SGCE: variants seen among roughly 807,000 people sequenced by gnomAD.
SGCE encodes the protein epsilon-sarcoglycan.
Under a neutral mutation model 57.8 loss-of-function variants are expected in SGCE, and 26 were observed. The observed-to-expected ratio is 0.45, with a 90% confidence interval of 0.33 to 0.62. The LOEUF (loss-of-function observed/expected upper bound fraction) is 0.62, where lower values mean the gene tolerates loss of function less well. Ranked by LOEUF, SGCE falls within the 20% of genes least tolerant of loss-of-function variation. The probability of loss-of-function intolerance (pLI) is 0.02; values close to 1 mark genes in which losing one functional copy is unlikely to be tolerated. For missense variants in SGCE, 468 were observed against 548.6 expected, an observed-to-expected ratio of 0.85 and a Z score of 1.47; for synonymous variants, 183 against 189.5, an observed-to-expected ratio of 0.97 and a Z score of 0.28.
intron 1 of SGCE, among the ~76,000 whole-genome samples, chr7:94,644,321 T>C (rs1252301712): frequency 6.6e-6 from 1 of 152,216 alleles, no homozygotes; most frequent in African/African-American, 2.4e-5. Flanking sequence ...ATTCCATGAT[T>C]CATTTTGAGT....
intron 5 of SGCE, among the ~76,000 whole-genome samples, chr7:94,607,691 C>G (rs1345492404): frequency 6.6e-6 from 1 of 152,134 alleles, no homozygotes; most frequent in Non-Finnish European, 1.5e-5. Context: ...AAATGAGAAA[C>G]TTGAAGTTTT....
chr7:94,619,221 C>T lies in SGCE; in HGVS notation c.464-265G>A, dbSNP rs544075782. Reference sequence around the variant, plus strand: ...GGCAATTTATAGTTATAGAATTTGGCAAAACAACTAAGAAAAGCTAAATCT... The same window carrying T: ...GGCAATTTATAGTTATAGAATTTGGTAAAACAACTAAGAAAAGCTAAATCT... On this transcript the variant is annotated intron_variant, in intron 4 of 10. Coordinates refer to ENST00000648936, the MANE Select transcript of SGCE (RefSeq NM_003919.3). 1,008 of 310,328 alleles carry T rather than the reference C, an allele frequency of 3.2e-3. 5 individuals carry two copies. Among genetic ancestry groups the T allele is most frequent in the Middle Eastern group, 6.6e-3 (7 of 1,060 alleles). The allele number at this position is 310,328 out of a possible 1,614,324, so 19.2% of individuals were successfully genotyped here.
chr7:94,625,991 T>C (rs1225625590), intron 3 of SGCE: 1 of 152,104 alleles, frequency 6.6e-6, no homozygotes, highest in Non-Finnish European at 1.5e-5. Flanking sequence ...AAAGTAGTGA[T>C]GCCAACTCCC....
intron 9 of SGCE, among the ~76,000 whole-genome samples, chr7:94,592,792 T>C (rs1330526828): frequency 2.6e-5 from 4 of 152,134 alleles, no homozygotes; most frequent in Non-Finnish European, 5.9e-5. Context: ...ATATTGCTAC[T>C]TGTTTCAAAC....
intron 6 of SGCE, 31 bp downstream of exon 6, chr7:94,603,259 C>T (rs755902136): frequency 6.3e-7 from 1 of 1,578,718 alleles, no homozygotes; most frequent in Admixed American, 1.7e-5. Flanking sequence ...TTATTTTTAA[C>T]TAAACTTGCA....
chr7:94,615,110 C>T (rs1801672689), intron 5 of SGCE, among the ~76,000 whole-genome samples: 1 of 152,144 alleles, frequency 6.6e-6, no homozygotes, highest in Non-Finnish European at 1.5e-5. Flanking sequence ...CCTGTAAGCC[C>T]AGCACTCTGG....
chr7:94,648,730 C>T (rs1807470189), intron 1 of SGCE, among the ~76,000 whole-genome samples: 1 of 152,200 alleles, frequency 6.6e-6, no homozygotes. Context: ...TTTTACTGCA[C>T]AGCAAGAAAC....
intron 9 of SGCE, among the ~76,000 whole-genome samples, chr7:94,595,542 G>A (rs1418429092): frequency 6.6e-6 from 1 of 152,066 alleles, no homozygotes; most frequent in East Asian, 1.9e-4. Context: ...GTACAAGACA[G>A]CATTATCCAA....
intron 5 of SGCE, among the ~76,000 whole-genome samples, chr7:94,605,213 A>G (rs924413453): frequency 1.3e-5 from 2 of 152,136 alleles, no homozygotes; most frequent in African/African-American, 4.8e-5. Flanking sequence ...CAGAAATTTA[A>G]AACAACTATG....
At chr7:94,617,842 C>T (rs1802165610) in intron 5 of SGCE, 1 of 152,134 alleles carries the variant, frequency 6.6e-6, no homozygotes, top group Admixed American at 6.5e-5. Flanking sequence ...TTAAAGCTAT[C>T]CTTAAATTTA....
chr7:94,623,218 A>G (rs1352843331), intron 4 of SGCE, 107 bp downstream of exon 4: 4 of 650,288 alleles, frequency 6.2e-6, no homozygotes, highest in Non-Finnish European at 8.1e-6. Flanking sequence ...CATCAGTTAT[A>G]TTAGGTATGT....
At chr7:94,655,911 C>A (rs1239676620) in intron 1 of SGCE, 79 bp downstream of exon 1, 2 of 904,126 alleles carry the variant, frequency 2.2e-6, no homozygotes, top group African/African-American at 1.6e-5. Context: ...CGCGCTCAGG[C>A]GCCCGGAACC....
At chr7:94,649,108 C>T (rs889219119) in intron 1 of SGCE, among the ~76,000 whole-genome samples, 13 of 152,086 alleles carry the variant, frequency 8.5e-5, no homozygotes, top group Non-Finnish European at 1.5e-5. Context: ...TACAGGATGC[C>T]AAAGATCTAT....
At chr7:94,610,440 G>A (rs1313591539) in intron 5 of SGCE, among the ~76,000 whole-genome samples, 1 of 152,048 alleles carries the variant, frequency 6.6e-6, no homozygotes, top group Non-Finnish European at 1.5e-5. Flanking sequence ...AATGGGGGAG[G>A]CGATGCAAAA....
At chr7:94,641,510 T>C (rs932118395) in intron 1 of SGCE, among the ~76,000 whole-genome samples, 3 of 152,036 alleles carry the variant, frequency 2.0e-5, no homozygotes, top group Non-Finnish European at 2.9e-5. Context: ...GGAGCATAAC[T>C]GATAAGATAC....
intron 1 of SGCE, chr7:94,639,226 A>G: frequency 1.5e-6 from 1 of 645,924 alleles, no homozygotes; most frequent in East Asian, 2.8e-5. Context: ...AGTTTTTCAG[A>G]CTTACTAACA....
intron 6 of SGCE, among the ~76,000 whole-genome samples, chr7:94,602,019 T>G (rs1799345924): frequency 6.6e-6 from 1 of 152,066 alleles, no homozygotes. Context: ...CCTTAACAGA[T>G]AAACAAAAAT....
intron 6 of SGCE, among the ~76,000 whole-genome samples, chr7:94,603,034 G>T (rs1799519888): frequency 6.6e-6 from 1 of 152,046 alleles, no homozygotes; most frequent in Non-Finnish European, 1.5e-5. Context: ...ATGCCCAAGG[G>T]GTTCATTTGG....
chr7:94,650,307 G>T (rs1016617889), intron 1 of SGCE, among the ~76,000 whole-genome samples: 5 of 152,220 alleles, frequency 3.3e-5, no homozygotes, highest in Non-Finnish European at 5.9e-5. Flanking sequence ...AGCTCCAGCA[G>T]CCAGCCTGCC....
Sources: allele counts gnomAD v4.1 joint callset (sites outside exome capture counted in the v4.1 genomes callset), GRCh38; gene constraint gnomAD v4.1.1; transcripts MANE v1.5; gene names NCBI Gene and HGNC (gene_info 2026-07-23, HGNC 2026-07-21).